Variants in SLC45A4 observed in about 807,000 individuals in gnomAD.
SLC45A4 encodes the protein solute carrier family 45 member 4, also known as polyamine-transporter SLC45A4.
Under a neutral mutation model 63.7 loss-of-function variants are expected in SLC45A4, and 32 were observed. The observed-to-expected ratio is 0.50, with a 90% CI of 0.38 to 0.67. The LOEUF is 0.67. Ranked by LOEUF, SLC45A4 falls within the 30% of genes least tolerant of loss-of-function variation. The pLI is 0.00. For synonymous variants in SLC45A4, 535 were observed against 510.0 expected (o/e 1.05, Z -0.66); for missense variants, 1,027 against 1,157.7 (o/e 0.89, Z 1.64).
chr8:141,248,960 G>T (rs1828342583), intron 2 of SLC45A4, among the ~76,000 whole-genome samples: 1 of 149,156 alleles, frequency 6.7e-6, no homozygotes, highest in Non-Finnish European at 1.5e-5. Context: ...CATGGCTGCA[G>T]TAAGTTGTGA....
intron 1 of SLC45A4, among the ~76,000 whole-genome samples, chr8:141,280,978 C>T (rs971993723): frequency 1.8e-4 from 28 of 152,372 alleles, no homozygotes; most frequent in Middle Eastern, 3.4e-3. Context: ...TCAAAGACAA[C>T]GGAGTCCAGG....
chr8:141,268,131 C>T (rs866869642), intron 1 of SLC45A4, among the ~76,000 whole-genome samples: 4 of 152,126 alleles, frequency 2.6e-5, no homozygotes, highest in Non-Finnish European at 4.4e-5. Context: ...CACCGCTAAA[C>T]GGAAATGAGC....
rs530924997 is a variant in SLC45A4, at chr8:141,212,716, T to G, written c.1942-160A>C. Among the ~76,000 whole-genome samples the G allele has an allele frequency of 1.1e-4, 16 of 152,116 alleles. 1 individual carries two copies. The East Asian group carries it at 3.1e-3, about 29-fold the overall frequency. Reference sequence around the variant, plus strand: ...GCCTGAGCACCCTCAATCCCCCAGCTCCTGTCCAGCACTGTACAGGCGGAA... The same window carrying G: ...GCCTGAGCACCCTCAATCCCCCAGCGCCTGTCCAGCACTGTACAGGCGGAA... On this transcript the variant is annotated intron_variant, in intron 7 of 8. Coordinates refer to ENST00000517878, the MANE Select transcript of SLC45A4 (RefSeq NM_001286646.2).
At chr8:141,263,078 A>G (rs1829102557) in intron 1 of SLC45A4, among the ~76,000 whole-genome samples, 2 of 151,950 alleles carry the variant, frequency 1.3e-5, no homozygotes, top group Admixed American at 6.6e-5. Context: ...CATGGATGAA[A>G]CTGGAAACCA....
At chr8:141,255,472 T>C (rs566695916) in intron 1 of SLC45A4, among the ~76,000 whole-genome samples, 58 of 152,186 alleles carry the variant, frequency 3.8e-4, no homozygotes, top group African/African-American at 1.0e-3. Flanking sequence ...TCCCAGCACA[T>C]TGGGGGGCTG....
At chr8:141,279,999 G>A (rs888523440) in intron 1 of SLC45A4, among the ~76,000 whole-genome samples, 6 of 152,242 alleles carry the variant, frequency 3.9e-5, no homozygotes, top group African/African-American at 7.2e-5. Context: ...AAGAACCAGC[G>A]GCAGCAGCGG....
intron 1 of SLC45A4, among the ~76,000 whole-genome samples, chr8:141,271,536 T>C (rs1345144987): frequency 1.3e-5 from 2 of 152,190 alleles, no homozygotes; most frequent in Non-Finnish European, 2.9e-5. Flanking sequence ...CGAGAGGCTG[T>C]GTGGGTGGAT....
At position 141,208,164 on chromosome 8, in the gene SLC45A4, T is replaced by G. The variant is rs1157602354; in HGVS notation, c.*3408A>C. ...CCATCTTTTCTGAAGCCGGTTAATG[T>G]CTAGTGTGGACAGCAATATTTGGTG... On this transcript the variant is annotated 3_prime_UTR_variant, in exon 9 of 9. Coordinates refer to ENST00000517878, the MANE Select transcript of SLC45A4 (RefSeq NM_001286646.2). 4 of 152,248 alleles carry G rather than the reference T, an allele frequency of 2.6e-5. No homozygotes were observed. Among genetic ancestry groups the G allele is most frequent in the African/African-American group, 9.7e-5 (4 of 41,450 alleles). 9.4% of individuals were successfully genotyped at this position (152,248 alleles called of 1,614,324 possible). A position where few individuals can be genotyped will look rare whatever the true frequency, so the allele number is the denominator to read the frequency against.
Position 141,228,580 on chromosome 8 carries a change from G to A in SLC45A4, c.242-6815C>T. On this transcript the variant is annotated intron_variant, in intron 2 of 8. Transcript: ENST00000517878. ...GGCTCCTCTCTGCCCTATCAGCACAGCCACCCATTCTCGGCTCTTTAAAAC... is the reference window on the plus strand; with the variant it reads ...GGCTCCTCTCTGCCCTATCAGCACAACCACCCATTCTCGGCTCTTTAAAAC... 6 of 1,183,882 alleles carry A rather than the reference G, an allele frequency of 5.1e-6. No individual in the cohort carries two copies. In the African/African-American group the frequency reaches 7.7e-5, roughly 15 times the overall value. The allele number at this position is 1,183,882 out of a possible 1,614,324, so 73.3% of individuals were successfully genotyped here. A position where few individuals can be genotyped will look rare whatever the true frequency, so the allele number is the denominator to read the frequency against.
chr8:141,214,254 T>C (rs979200509), intron 7 of SLC45A4, among the ~76,000 whole-genome samples: 4 of 151,794 alleles, frequency 2.6e-5, no homozygotes, highest in Non-Finnish European at 5.9e-5. Flanking sequence ...CCTGTTGAGT[T>C]TGAAAGAGCA....
chr8:141,218,697 C>T lies in SLC45A4; in HGVS notation c.943G>A (p.Asp315Asn), dbSNP rs761731003. ...SKSDSALHVPDTALDLEPELL... is the reference protein window; with the variant it reads ...SKSDSALHVPNTALDLEPELL... ...TCGGGCTCCAGGTCCAGCGCGGTGT[C>T]CGGCACGTGCAATGCCGAGTCGCTT... The change falls in exon 5 of 9, where the codon GAC (aspartate) becomes AAC (asparagine). Residue 315 changes from aspartate (D) to asparagine (N), a missense_variant. Physicochemically the swap from Asp to Asn is conservative, Grantham distance 23 (BLOSUM62 1). Transcript: ENST00000517878. 5 of 1,612,604 alleles carry T rather than the reference C, an allele frequency of 3.1e-6. No individual in the cohort carries two copies. In the African/African-American group the frequency reaches 6.7e-5, roughly 22 times the overall value.
At chr8:141,281,411 C>A (rs2154615090) in intron 1 of SLC45A4, among the ~76,000 whole-genome samples, 1 of 152,342 alleles carries the variant, frequency 6.6e-6, no homozygotes, top group East Asian at 1.9e-4. Context: ...CTCAGTTTCC[C>A]CACCTGTAAA....
intron 2 of SLC45A4, among the ~76,000 whole-genome samples, chr8:141,235,253 T>C (rs1187084459): frequency 2.6e-5 from 4 of 152,230 alleles, no homozygotes; most frequent in African/African-American, 9.6e-5. Flanking sequence ...CCCTTCTTCA[T>C]GCAGGTGAAG....
At position 141,218,019 on chromosome 8, in the gene SLC45A4, C is replaced by T. The variant is rs747541953; in HGVS notation, c.1621G>A (p.Asp541Asn). Reference protein sequence around the residue: ...DFMGQVIFEGDPKAPSNSTAW... With the variant: ...DFMGQVIFEGNPKAPSNSTAW... The stretch of plus-strand genomic sequence containing the variant: ...GGTGGCCGAGCACTCACCTTGGGGT[C>T]GCCTTCGAAGATGACCTGGCCCATG... Residue 541 changes from aspartate (D) to asparagine (N), a missense_variant, in exon 5 of 9, where the codon GAC (aspartate) becomes AAC (asparagine). Transcript: ENST00000517878. 26 of 1,600,496 alleles carry T rather than the reference C, an allele frequency of 1.6e-5. No homozygotes were observed. The highest frequency in any genetic ancestry group is 8.9e-5 in the South Asian group (8 of 90,186).
intron 1 of SLC45A4, among the ~76,000 whole-genome samples, chr8:141,284,978 G>GC (rs1275922937): frequency 6.9e-6 from 1 of 145,740 alleles, no homozygotes; most frequent in Admixed American, 6.9e-5. Context: ...TGGGGCCTCG[G>GC]CCCCCCAGCA....
chr8:141,279,085 C>T (rs931604911), intron 1 of SLC45A4, among the ~76,000 whole-genome samples: 14 of 152,274 alleles, frequency 9.2e-5, no homozygotes, highest in Admixed American at 6.5e-5. Flanking sequence ...TCTGTGACGG[C>T]TCCCACATTC....
At chr8:141,253,379 AT>A in intron 2 of SLC45A4, 1 of 204,346 alleles carries the variant, frequency 4.9e-6, no homozygotes, top group Non-Finnish European at 1.0e-5. Flanking sequence ...GTGCCTGTGA[AT>A]TTCCATGCTT....
chr8:141,271,973 C>T (rs181816378), intron 1 of SLC45A4, among the ~76,000 whole-genome samples: 480 of 152,040 alleles, frequency 3.2e-3, no homozygotes, highest in Non-Finnish European at 5.9e-3. Context: ...AACACACCTG[C>T]GTACACACAT....
intron 8 of SLC45A4, chr8:141,211,911 G>C: frequency 1.6e-6 from 2 of 1,244,838 alleles, no homozygotes; most frequent in Non-Finnish European, 2.0e-6. Flanking sequence ...CAGAATAAAA[G>C]AGCTGAAATT....
Sources: gnomAD v4.1 joint callset for allele counts (sites outside exome capture counted in the v4.1 genomes callset) on GRCh38, gnomAD v4.1.1 for gene constraint, MANE v1.5 for transcripts, NCBI Gene and HGNC (gene_info 2026-07-23, HGNC 2026-07-21) for gene names.